TAOK1: variants seen among roughly 807,000 people sequenced by gnomAD.
The protein encoded by TAOK1 is serine/threonine-protein kinase TAO1.
TAOK1 carries 21 observed loss-of-function variants against 138.3 expected under a neutral mutation model. The observed-to-expected ratio is 0.15, with a 90% confidence interval of 0.11 to 0.22. The LOEUF is 0.22. Among genes scored for constraint, TAOK1 ranks in the 10% least tolerant of loss-of-function variants. The pLI is 1.00. For missense variants in TAOK1, 651 were observed against 1,227.7 expected (o/e 0.53, Z 7.02); for synonymous variants, 361 against 398.4 (o/e 0.91, Z 1.12).
intron 12 of TAOK1, among the ~76,000 whole-genome samples, chr17:29,501,423 CAAA>C (rs34004946): frequency 2.7e-4 from 29 of 108,992 alleles, no homozygotes; most frequent in Admixed American, 3.6e-4. Flanking sequence ...GACCCTGTCT[CAAA>C]AAAAAAAAAA....
At chr17:29,517,848 T>C (rs1412732323) in intron 16 of TAOK1, among the ~76,000 whole-genome samples, 192 bp downstream of exon 16, 1 of 152,186 alleles carries the variant, frequency 6.6e-6, no homozygotes, top group East Asian at 1.9e-4. Flanking sequence ...TCAAAATCTC[T>C]TTCTTAACCA....
At chr17:29,457,553 G>A (rs527824676) in intron 2 of TAOK1, among the ~76,000 whole-genome samples, 5 of 145,644 alleles carry the variant, frequency 3.4e-5, no homozygotes, top group South Asian at 2.2e-4. Context: ...TTACAGGTGC[G>A]CACCACCATG....
chr17:29,431,073 T>C (rs1905812524), intron 1 of TAOK1, among the ~76,000 whole-genome samples: 2 of 152,224 alleles, frequency 1.3e-5, no homozygotes, highest in Admixed American at 1.3e-4. Flanking sequence ...AGAATCTGTG[T>C]GTTTCCTTAA....
intron 19 of TAOK1, among the ~76,000 whole-genome samples, chr17:29,538,757 T>G (rs1311154539): frequency 6.6e-6 from 1 of 152,246 alleles, no homozygotes; most frequent in African/African-American, 2.4e-5. Flanking sequence ...ACATGAAGTC[T>G]TGTTTCAATG....
intron 2 of TAOK1, among the ~76,000 whole-genome samples, chr17:29,465,781 G>T (rs1191026666): frequency 8.2e-6 from 1 of 121,392 alleles, no homozygotes; most frequent in Admixed American, 8.4e-5. Flanking sequence ...TTTTTTTTGT[G>T]TGTATAGTGG....
At chr17:29,480,848 C>T (rs954088095) in intron 7 of TAOK1, among the ~76,000 whole-genome samples, 4 of 122,250 alleles carry the variant, frequency 3.3e-5, no homozygotes, top group East Asian at 3.0e-4. Context: ...CCAGCCTGGG[C>T]GACAGAGTGA....
chr17:29,441,798 T>C (rs1251683666), intron 1 of TAOK1, among the ~76,000 whole-genome samples: 1 of 151,888 alleles, frequency 6.6e-6, no homozygotes, highest in Non-Finnish European at 1.5e-5. Flanking sequence ...CTCAGGAGGC[T>C]GAGGCAGGAG....
Position 29,491,768 on chromosome 17 carries a change from C to A in TAOK1, c.750-16C>A, listed in dbSNP as rs750644154. ...GAAATAGCAATGTGTTCACTTGATA[C>A]TTTCCTTTACAATAGGTCTGATTAT... On this transcript the variant is annotated splice_polypyrimidine_tract_variant and intron_variant, in intron 9 of 19. Coordinates refer to ENST00000261716, the MANE Select transcript of TAOK1 (RefSeq NM_020791.4). 3.1e-6 allele frequency: 5 copies of A among 1,593,128 alleles called. No homozygotes were observed. The highest frequency in any genetic ancestry group is 4.3e-6 in the Non-Finnish European group (5 of 1,161,380).
Position 29,542,945 on chromosome 17 carries a change from C to G in TAOK1, c.2929C>G (p.Arg977Gly), listed in dbSNP as rs1241262954. ...QALRRTASGG[R>G]TEQGMSRSTS... is the part of the protein sequence containing the mutation. ...TCTGAGGCGGACAGCTTCTGGGGGA[C>G]GGACGGAGCAGGGCATGAGCAGAAG... Residue 977 changes from arginine (R) to glycine (G), a missense_variant, in exon 20 of 20, where the codon CGG becomes GGG. Transcript: ENST00000261716. 6.2e-7 allele frequency: 1 copy of G among 1,613,434 alleles called. No individual in the cohort carries two copies. The highest frequency in any genetic ancestry group is 2.2e-5 in the East Asian group (1 of 44,868).
intron 1 of TAOK1, among the ~76,000 whole-genome samples, chr17:29,423,832 G>T (rs922432896): frequency 7.2e-5 from 11 of 151,974 alleles, no homozygotes; most frequent in Non-Finnish European, 1.6e-4. Context: ...CGGATTGTTT[G>T]AGGTCAGGAG....
Position 29,434,935 on chromosome 17 carries a change from G to C in TAOK1, c.-94-16520G>C, listed in dbSNP as rs186651007. Among the ~76,000 whole-genome samples, 317 of 152,224 alleles carry C rather than the reference G, an allele frequency of 2.1e-3. 1 individual carries two copies. The highest frequency in any genetic ancestry group is 7.3e-3 in the African/African-American group (305 of 41,540). ...AATGCTAAGGTGAAACTGTGGAACC[G>C]AGTCCTCCTCCAGTAAGGGAGAGGA... On this transcript the variant is annotated intron_variant, in intron 1 of 19. Transcript: ENST00000261716.
chr17:29,506,682 T>C (rs543788386), intron 13 of TAOK1, among the ~76,000 whole-genome samples: 1 of 152,338 alleles, frequency 6.6e-6, no homozygotes, highest in South Asian at 2.1e-4. Flanking sequence ...TTTAATATGT[T>C]GAATACATAT....
intron 16 of TAOK1, among the ~76,000 whole-genome samples, chr17:29,518,005 A>G (rs979227128): frequency 6.6e-6 from 1 of 152,018 alleles, no homozygotes. Flanking sequence ...ACAGGTGTGC[A>G]CCACCACACC....
chr17:29,534,324 C>A, intron 19 of TAOK1, 24 bp downstream of exon 19: 1 of 1,488,548 alleles, frequency 6.7e-7, no homozygotes, highest in Non-Finnish European at 9.0e-7. Context: ...AAGGAAAAAT[C>A]ATTGTTTTCG....
At chr17:29,436,413 T>A (rs1906032488) in intron 1 of TAOK1, among the ~76,000 whole-genome samples, 1 of 152,220 alleles carries the variant, frequency 6.6e-6, no homozygotes, top group Non-Finnish European at 1.5e-5. Flanking sequence ...TTAACTCTTG[T>A]TTTGCTTGAT....
intron 15 of TAOK1, 168 bp downstream of exon 15, chr17:29,511,160 AG>A: frequency 2.4e-6 from 1 of 425,472 alleles, no homozygotes; most frequent in Non-Finnish European, 4.1e-6. Flanking sequence ...CCCTTAACTG[AG>A]TCATTTAGTT....
At chr17:29,529,626 G>A (rs1334509184) in intron 17 of TAOK1, among the ~76,000 whole-genome samples, 2 of 152,164 alleles carry the variant, frequency 1.3e-5, no homozygotes, top group Non-Finnish European at 2.9e-5. Flanking sequence ...CAGCACTTAG[G>A]AGGCCAAGGC....
Position 29,465,837 on chromosome 17 carries a change from C to CTTTTTTTT in TAOK1, c.133-1288_133-1281dup, listed in dbSNP as rs3058623. On this transcript the variant is annotated intron_variant, in intron 2 of 19. Transcript: ENST00000261716. ...AAGAGTTAACTGTCAAGTTTCTGTGCTTTTTTTTTTTTTTTTTTTTTTTTT... is the reference window on the plus strand; with the variant it reads ...AAGAGTTAACTGTCAAGTTTCTGTGCTTTTTTTTTTTTTTTTTTTTTTTTTTTTTTTTT... 6.6e-3 allele frequency among the ~76,000 whole-genome samples: 301 copies of CTTTTTTTT among 45,416 alleles called. 91 individuals are homozygous for CTTTTTTTT. The highest frequency in any genetic ancestry group is 0.017 in the East Asian group (16 of 946). The allele number at this position is 45,416 out of a possible 152,430, so 29.8% of individuals were successfully genotyped here.
chr17:29,506,234 G>A (rs568647316), intron 13 of TAOK1, among the ~76,000 whole-genome samples: 59 of 152,296 alleles, frequency 3.9e-4, no homozygotes, highest in Non-Finnish European at 5.9e-4. Flanking sequence ...CAGTGGATGA[G>A]TGGATAAAGA....
Sources: gnomAD v4.1 joint callset for allele counts (sites outside exome capture counted in the v4.1 genomes callset) on GRCh38, gnomAD v4.1.1 for gene constraint, MANE v1.5 for transcripts, NCBI Gene and HGNC (gene_info 2026-07-23, HGNC 2026-07-21) for gene names.